SULT6B1: variants seen among roughly 807,000 people sequenced by gnomAD.
SULT6B1 encodes the protein sulfotransferase 6B1.
SULT6B1 carries 44 observed loss-of-function variants against 37.2 expected under a neutral mutation model. The observed-to-expected ratio is 1.18, with a 90% confidence interval of 0.93 to 1.52. The LOEUF (loss-of-function observed/expected upper bound fraction) is 1.52. SULT6B1 is among the 40% of genes most tolerant of loss of function. The pLI is 0.00. For missense variants in SULT6B1, 450 were observed against 361.0 expected, an observed-to-expected ratio of 1.25 and a Z score of -2.00; for synonymous variants, 140 against 126.0, an observed-to-expected ratio of 1.11 and a Z score of -0.74.
At chr2:37,179,344 T>G in intron 4 of SULT6B1, 114 bp downstream of exon 4, 1 of 1,339,476 alleles carries the variant, frequency 7.5e-7, no homozygotes, top group Non-Finnish European at 1.0e-6. Context: ...AATGAAACTT[T>G]TTGGTTCCCA....
chr2:37,172,569 A>C (rs1352573891), intron 5 of SULT6B1, among the ~76,000 whole-genome samples: 1 of 151,974 alleles, frequency 6.6e-6, no homozygotes, highest in Non-Finnish European at 1.5e-5. Flanking sequence ...GCACAGTGGC[A>C]TGATCTCGGC....
intron 2 of SULT6B1, among the ~76,000 whole-genome samples, chr2:37,186,365 T>C (rs983215540): frequency 2.0e-5 from 3 of 152,192 alleles, no homozygotes; most frequent in Non-Finnish European, 4.4e-5. Context: ...GTCCAAGCCC[T>C]GAAGTCCTGA....
In SULT6B1 at chr2:37,187,464, G is replaced by C. The variant is rs1412268606; in HGVS notation, c.203C>G (p.Ser68Ter). The C allele has an allele frequency of 6.4e-7, 1 of 1,559,380 alleles. No individual in the cohort carries two copies. Among genetic ancestry groups the C allele is most frequent in the Non-Finnish European group, 8.8e-7 (1 of 1,142,212 alleles). Residue 68 changes from serine to a stop codon, truncating the protein, a stop_gained, in exon 2 of 7, where the codon TCA becomes TGA. Coordinates refer to ENST00000535679, the MANE Select transcript of SULT6B1 (RefSeq NM_001367551.1). LOFTEE classifies it high-confidence loss of function. ...ACTGACAATGTGGAGAATCCAGTTT[G>C]AACCTATCAGAAAAATCAGAGAATA... Reference protein sequence around the residue: ...IVLASYPKCGSNWILHIVSEL... With the variant: ...IVLASYPKCG
intron 3 of SULT6B1, among the ~76,000 whole-genome samples, chr2:37,180,953 G>A (rs1558448667): frequency 6.6e-6 from 1 of 152,092 alleles, no homozygotes; most frequent in African/African-American, 2.4e-5. Flanking sequence ...CTGCTGGGAG[G>A]TTTTTAATAA....
intron 3 of SULT6B1, among the ~76,000 whole-genome samples, chr2:37,180,134 C>T (rs1435420178): frequency 6.6e-6 from 1 of 152,122 alleles, no homozygotes; most frequent in Non-Finnish European, 1.5e-5. Flanking sequence ...AACTGAAACC[C>T]CAGAGAACCA....
intron 3 of SULT6B1, among the ~76,000 whole-genome samples, chr2:37,183,082 A>G (rs1676591424): frequency 6.6e-6 from 1 of 152,212 alleles, no homozygotes; most frequent in African/African-American, 2.4e-5. Flanking sequence ...TGCTCACCAG[A>G]AAGAAAGGAA....
chr2:37,192,799 G>GTA (rs1171323201), upstream of SULT6B1, among the ~76,000 whole-genome samples: 1 of 152,204 alleles, frequency 6.6e-6, no homozygotes, highest in Admixed American at 6.5e-5. Flanking sequence ...ACTAATGCCT[G>GTA]TAATTATAGG....
At position 37,178,147 on chromosome 2, in the gene SULT6B1, C is replaced by T. The variant is rs556190511; in HGVS notation, c.529+1311G>A. 2.0e-5 allele frequency among the ~76,000 whole-genome samples: 3 copies of T among 152,234 alleles called. No individual in the cohort carries two copies. The East Asian group carries it at 5.8e-4, about 29-fold the overall frequency. On this transcript the variant is annotated intron_variant, in intron 4 of 6. Coordinates refer to ENST00000535679, the MANE Select transcript of SULT6B1 (RefSeq NM_001367551.1). Reference sequence around the variant, plus strand: ...GCAACCTCTGCCTCCTGGATTCAAACAATTCTCCTGCATCAGCCTCCCAAG... The same window carrying T: ...GCAACCTCTGCCTCCTGGATTCAAATAATTCTCCTGCATCAGCCTCCCAAG...
chr2:37,188,335 G>C (rs1676715842), intron 1 of SULT6B1, 107 bp downstream of exon 1: 8 of 896,670 alleles, frequency 8.9e-6, no homozygotes, highest in Non-Finnish European at 1.4e-5. Flanking sequence ...CTGATGCTCA[G>C]ACAGATTCCT....
At chr2:37,170,322 C>G (rs1278645545) in intron 6 of SULT6B1, among the ~76,000 whole-genome samples, 1 of 151,954 alleles carries the variant, frequency 6.6e-6, no homozygotes, top group East Asian at 1.9e-4. Context: ...CAATAATTAT[C>G]TGGGTGTGGT....
At chr2:37,184,882 G>C (rs1405876889) in intron 2 of SULT6B1, among the ~76,000 whole-genome samples, 1 of 147,654 alleles carries the variant, frequency 6.8e-6, no homozygotes, top group Non-Finnish European at 1.5e-5. Flanking sequence ...AAGCAAGGGG[G>C]CAAAAAATGA....
At chr2:37,184,023 C>A (rs985070009) in intron 2 of SULT6B1, among the ~76,000 whole-genome samples, 5 of 152,126 alleles carry the variant, frequency 3.3e-5, no homozygotes, top group African/African-American at 9.7e-5. Context: ...TTAAAATATT[C>A]TTGAATTTCT....
chr2:37,186,888 T>C (rs967019546), intron 2 of SULT6B1, among the ~76,000 whole-genome samples: 2 of 152,112 alleles, frequency 1.3e-5, no homozygotes, highest in Non-Finnish European at 2.9e-5. Context: ...GAAGTGAGAC[T>C]CCATTTCAAA....
At chr2:37,176,298 T>A (rs1465210732) in intron 4 of SULT6B1, among the ~76,000 whole-genome samples, 1 of 128,950 alleles carries the variant, frequency 7.8e-6, no homozygotes, top group Non-Finnish European at 1.6e-5. Flanking sequence ...AGTCTCACTC[T>A]GTCACCCCGG....
chr2:37,179,654 C>A (rs889136732), intron 3 of SULT6B1, 70 bp from the exon 4 acceptor site: 8 of 1,362,300 alleles, frequency 5.9e-6, no homozygotes, highest in Non-Finnish European at 8.2e-6. Flanking sequence ...AAAGGGTGAG[C>A]AATATCATCA....
chr2:37,186,299 G>A (rs1572465370), intron 2 of SULT6B1, among the ~76,000 whole-genome samples: 1 of 152,094 alleles, frequency 6.6e-6, no homozygotes, highest in South Asian at 2.1e-4. Flanking sequence ...TCCCTTCCCC[G>A]CTGCATTCTG....
At position 37,188,567 on chromosome 2, in the gene SULT6B1, T is replaced by C; in HGVS notation, c.74A>G (p.His25Arg). The C allele has an allele frequency of 1.3e-6, 2 of 1,592,394 alleles. No individual in the cohort carries two copies. Among genetic ancestry groups the C allele is most frequent in the East Asian group, 2.2e-5 (1 of 44,788 alleles). Residue 25 changes from histidine to arginine, a missense_variant, in exon 1 of 7, where the codon CAT becomes CGT. Transcript: ENST00000535679. The part of the protein sequence containing the change: ...LEKSKETALS[H>R]LFFTYQGIPY... Reference sequence around the variant, plus strand: ...AATCCCCTGATAGGTGAAAAATAAATGAGAGAGTGCAGTTTCTTTTGATTT... The same window carrying C: ...AATCCCCTGATAGGTGAAAAATAAACGAGAGAGTGCAGTTTCTTTTGATTT...
chr2:37,187,452 A>T lies in SULT6B1; in HGVS notation c.215T>A (p.Leu72His). ...ATATATTAATTCACTGACAATGTGG[A>T]GAATCCAGTTTGAACCTATCAGAAA... Reference protein sequence around the residue: ...SYPKCGSNWILHIVSELIYAV... With the variant: ...SYPKCGSNWIHHIVSELIYAV... The change falls in exon 2 of 7, where the codon CTC (leucine) becomes CAC (histidine). Residue 72 changes from leucine to histidine, a missense_variant. Leu to His is a moderately conservative substitution (Grantham distance 99). Coordinates refer to ENST00000535679, the MANE Select transcript of SULT6B1 (RefSeq NM_001367551.1). The T allele has an allele frequency of 6.3e-7, 1 of 1,598,178 alleles. No individual in the cohort carries two copies.
intron 3 of SULT6B1, among the ~76,000 whole-genome samples, chr2:37,181,634 G>A (rs946336517): frequency 7.2e-5 from 11 of 151,926 alleles, no homozygotes; most frequent in African/African-American, 2.7e-4. Context: ...CTCCTGCTTC[G>A]GCCTCCCAAA....
Sources: gnomAD v4.1 joint callset for allele counts (sites outside exome capture counted in the v4.1 genomes callset) on GRCh38, gnomAD v4.1.1 for gene constraint, MANE v1.5 for transcripts, NCBI Gene and HGNC (gene_info 2026-07-23, HGNC 2026-07-21) for gene names.